Variants in PPM1J observed in about 807,000 individuals in gnomAD.
PPM1J encodes protein phosphatase, Mg2+/Mn2+ dependent 1J.
In PPM1J, 43 loss-of-function variants were observed where a neutral mutation model predicts 53.3. That is an observed-to-expected ratio of 0.81 (90% CI 0.63 to 1.04). The LOEUF (loss-of-function observed/expected upper bound fraction) is 1.04, where lower values mean the gene tolerates loss of function less well. PPM1J is among the 50% of genes least tolerant of loss of function. The probability of loss-of-function intolerance (pLI) is 0.00; values close to 1 mark genes in which losing one functional copy is unlikely to be tolerated. For synonymous variants in PPM1J, 267 were observed against 286.4 expected, an observed-to-expected ratio of 0.93 and a Z score of 0.68; for missense variants, 635 against 685.9, an observed-to-expected ratio of 0.93 and a Z score of 0.83.
In PPM1J at chr1:112,710,845, C is replaced by A. The variant is rs758143807; in HGVS notation, c.1117G>T (p.Val373Leu). The A allele has an allele frequency of 1.2e-6, 2 of 1,613,860 alleles. No individual in the cohort carries two copies. Among genetic ancestry groups the A allele is most frequent in the South Asian group, 1.1e-5 (1 of 91,080 alleles). ...CGGGTCACCCCAATGGTGGCCATCA[C>A]CCGAGCCTGAAAGAAATGAGGAGGG... is the stretch of plus-strand genomic sequence containing the variant. ...LVCGEGKKAR[V>L]MATIGVTRGL... is the part of the protein sequence containing the mutation. The change falls in exon 8 of 10, where the codon GTG becomes TTG. Residue 373 changes from valine (V) to leucine (L), a missense_variant. Physicochemically the swap from Val to Leu is conservative, Grantham distance 32. Coordinates refer to ENST00000309276, the MANE Select transcript of PPM1J (RefSeq NM_005167.7).
intron 4 of PPM1J, 111 bp from the exon 5 acceptor site, chr1:112,712,166 G>T (rs1190816215): frequency 9.7e-7 from 1 of 1,026,774 alleles, no homozygotes. Context: ...CTCTTACCCA[G>T]ACCCCCATAT....
intron 4 of PPM1J, 108 bp downstream of exon 4, chr1:112,712,237 G>A (rs368747492): frequency 9.8e-7 from 1 of 1,025,556 alleles, no homozygotes; most frequent in East Asian, 2.6e-5. Flanking sequence ...CACCCCTCTT[G>A]ACTCCCTCCA....
intron 2 of PPM1J, among the ~76,000 whole-genome samples, 172 bp from the exon 3 acceptor site, chr1:112,713,203 G>T (rs1461373982): frequency 6.6e-6 from 1 of 152,098 alleles, no homozygotes; most frequent in Non-Finnish European, 1.5e-5. Context: ...CTTCGTATGT[G>T]TCAAGAGAAA....
At position 112,713,922 on chromosome 1, in the gene PPM1J, G is replaced by A. The variant is rs77400426; in HGVS notation, c.327-311C>T. 1,541 of 681,516 alleles carry A rather than the reference G, an allele frequency of 2.3e-3. 14 individuals carry two copies. The African/African-American group carries it at 0.024, about 11-fold the overall frequency. 42.2% of individuals were successfully genotyped at this position (681,516 alleles called of 1,614,324 possible). A position where few individuals can be genotyped will look rare whatever the true frequency, so the allele number is the denominator to read the frequency against. Reference sequence around the variant, plus strand: ...GAAAAAAGAAAAAGGCATTCCTAGTGGTGCTTCTGGGGGAGGGGCTAGTTG... The same window carrying A: ...GAAAAAAGAAAAAGGCATTCCTAGTAGTGCTTCTGGGGGAGGGGCTAGTTG... On this transcript the variant is annotated intron_variant, in intron 1 of 9. Coordinates refer to ENST00000309276, the MANE Select transcript of PPM1J (RefSeq NM_005167.7).
chr1:112,710,590 G>A lies in PPM1J; in HGVS notation c.1240C>T (p.Gln414Ter). Residue 414 changes from glutamine to a stop codon, truncating the protein, a stop_gained, in exon 9 of 10, where the codon CAA (glutamine) becomes TAA (stop). Transcript: ENST00000309276. LOFTEE classifies it high-confidence loss of function. Reference sequence around the variant, plus strand: ...ACATCATCTGGGCAGTGCTCATATTGTGTCAGGTCATACACTCGTACCTGG... The same window carrying A: ...ACATCATCTGGGCAGTGCTCATATTATGTCAGGTCATACACTCGTACCTGG... ...FPEVRVYDLT[Q>*]YEHCPDDVLV... 1 of 1,614,166 alleles carries A rather than the reference G, an allele frequency of 6.2e-7. No individual in the cohort carries two copies. Among genetic ancestry groups the A allele is most frequent in the South Asian group, 1.1e-5 (1 of 91,086 alleles).
chr1:112,711,179 T>C (rs1570840889), intron 6 of PPM1J, 87 bp downstream of exon 6: 1 of 1,457,722 alleles, frequency 6.9e-7, no homozygotes, highest in Non-Finnish European at 9.6e-7. Context: ...TCCTCCCAAC[T>C]CCCAGCCTCC....
At chr1:112,714,865 G>A in intron 1 of PPM1J, 111 bp downstream of exon 1, 1 of 1,321,008 alleles carries the variant, frequency 7.6e-7, no homozygotes, top group Non-Finnish European at 9.6e-7. Context: ...ACGGAAAAGG[G>A]AGCTCCTGGC....
intron 1 of PPM1J, 35 bp downstream of exon 1, chr1:112,714,941 C>A: frequency 7.4e-7 from 1 of 1,349,964 alleles, no homozygotes; most frequent in Non-Finnish European, 9.5e-7. Flanking sequence ...GGGTGGGAGC[C>A]CCATCCTGGT....
chr1:112,714,122 A>G, intron 1 of PPM1J: 1 of 1,004,266 alleles, frequency 1.0e-6, no homozygotes, highest in Non-Finnish European at 1.2e-6. Flanking sequence ...TCTCCAGCCC[A>G]GATCGGGAAA....
chr1:112,713,436 A>G lies in PPM1J; in HGVS notation c.441+61T>C, dbSNP rs1262711589. On this transcript the variant is annotated intron_variant, in intron 2 of 9. Coordinates refer to ENST00000309276, the MANE Select transcript of PPM1J (RefSeq NM_005167.7). ...TTCCGCATGGCTCAGATTTAAAACCAGAGGCCTGAGTCCCTGGGGAGAGGT... is the reference window on the plus strand; with the variant it reads ...TTCCGCATGGCTCAGATTTAAAACCGGAGGCCTGAGTCCCTGGGGAGAGGT... 8 of 1,207,914 alleles carry G rather than the reference A, an allele frequency of 6.6e-6. No homozygotes were observed. In the African/African-American group the frequency reaches 1.2e-4, roughly 18 times the overall value. 74.8% of individuals were successfully genotyped at this position (1,207,914 alleles called of 1,614,324 possible). A position where few individuals can be genotyped will look rare whatever the true frequency, so the allele number is the denominator to read the frequency against.
chr1:112,710,496 C>G lies in PPM1J; in HGVS notation c.1334G>C (p.Arg445Thr), dbSNP rs1570840286. ...TDCEVAATVD[R>T]VLSAYEPNDH... ...ATTAGGCTCATAGGCCGACAGCACC[C>G]TGTCCACAGTGGCAGCTACCTCACA... Residue 445 changes from arginine to threonine, a missense_variant, in exon 9 of 10, where the codon AGG becomes ACG. Coordinates refer to ENST00000309276, the MANE Select transcript of PPM1J (RefSeq NM_005167.7). 1.9e-6 allele frequency: 3 copies of G among 1,614,128 alleles called. No individual in the cohort carries two copies. Among genetic ancestry groups the G allele is most frequent in the Non-Finnish European group, 2.5e-6 (3 of 1,180,030 alleles).
In PPM1J at chr1:112,713,623, G is replaced by A. The variant is rs753855890; in HGVS notation, c.327-12C>T. On this transcript the variant is annotated splice_polypyrimidine_tract_variant and intron_variant, in intron 1 of 9. Coordinates refer to ENST00000309276, the MANE Select transcript of PPM1J (RefSeq NM_005167.7). ...CAGCATTGATGACCCTGCCAGGCCA[G>A]AATGACCACATCAGGTTGGACACCA... The A allele has an allele frequency of 1.9e-6, 3 of 1,604,908 alleles. No homozygotes were observed. In the African/African-American group the frequency reaches 4.0e-5, roughly 21 times the overall value.
intron 5 of PPM1J, 135 bp from the exon 6 acceptor site, chr1:112,711,519 C>T (rs1212862261): frequency 1.6e-6 from 1 of 615,598 alleles, no homozygotes; most frequent in East Asian, 2.8e-5. Context: ...CTAATATTAG[C>T]AAATATTAAC....
At position 112,712,476 on chromosome 1, in the gene PPM1J, T is replaced by A. The variant is rs1675087334; in HGVS notation, c.730-19A>T. The A allele has an allele frequency of 6.2e-7, 1 of 1,605,142 alleles. No individual in the cohort carries two copies. Among genetic ancestry groups the A allele is most frequent in the African/African-American group, 1.3e-5 (1 of 74,680 alleles). On this transcript the variant is annotated intron_variant, in intron 3 of 9. Coordinates refer to ENST00000309276, the MANE Select transcript of PPM1J (RefSeq NM_005167.7). The stretch of plus-strand genomic sequence containing the variant: ...GCTCATCCTGCCACATAAGGAAGGG[T>A]CAGAGGTGGGTAGAAGGAGAGGTTC...
At chr1:112,712,133 C>G (rs1244666693) in intron 4 of PPM1J, 78 bp from the exon 5 acceptor site, 3 of 1,245,954 alleles carry the variant, frequency 2.4e-6, no homozygotes, top group South Asian at 2.8e-5. Context: ...AGACCAGGCC[C>G]TCTCCATAAT....
At chr1:112,710,367 C>G (rs1675028973) in intron 9 of PPM1J, 57 bp from the exon 10 acceptor site, 1 of 1,611,412 alleles carries the variant, frequency 6.2e-7, no homozygotes, top group Non-Finnish European at 8.5e-7. Flanking sequence ...AAGACAGATA[C>G]ACAGGCCCAC....
chr1:112,713,661 G>T, intron 1 of PPM1J, 50 bp from the exon 2 acceptor site: 3 of 1,415,050 alleles, frequency 2.1e-6, no homozygotes, highest in South Asian at 1.1e-5. Context: ...CCAGGTCCTG[G>T]AATAACCCCC....
At position 112,710,793 on chromosome 1, in the gene PPM1J, A is replaced by G; in HGVS notation, c.1169T>C (p.Val390Ala). 1.2e-6 allele frequency: 2 copies of G among 1,613,932 alleles called. No individual in the cohort carries two copies. The highest frequency in any genetic ancestry group is 1.6e-4 in the Middle Eastern group (1 of 6,062). ...TRGLGDHSLK[V>A]CSSTLPIKPF... ...CTTGATGGGCAGGGTGGAACTGCAG[A>G]CCTTAAGGCTGTGGTCTCCCAAGCC... Residue 390 changes from valine (V) to alanine (A), a missense_variant, in exon 8 of 10, where the codon GTC becomes GCC. Transcript: ENST00000309276.
rs193289227 is a variant in PPM1J, at chr1:112,711,459, T to C, written c.928-75A>G. ...AGCACACGGTGGCACACAGATGACG[T>C]TGACTACAGCAGACCCTTAAACAGA... On this transcript the variant is annotated intron_variant, in intron 5 of 9. Coordinates refer to ENST00000309276, the MANE Select transcript of PPM1J (RefSeq NM_005167.7). The C allele has an allele frequency of 7.5e-3, 6,238 of 829,118 alleles. 86 individuals are homozygous for C. Among genetic ancestry groups the C allele is most frequent in the Non-Finnish European group, 6.2e-3 (3,109 of 501,728 alleles). The allele number at this position is 829,118 out of a possible 1,614,324, so 51.4% of individuals were successfully genotyped here.
Sources: allele counts gnomAD v4.1 joint callset (sites outside exome capture counted in the v4.1 genomes callset), GRCh38; gene constraint gnomAD v4.1.1; transcripts MANE v1.5; gene names NCBI Gene and HGNC (gene_info 2026-07-23, HGNC 2026-07-21).